SSR1: variants seen among roughly 807,000 people sequenced by gnomAD.
SSR1 encodes translocon-associated protein subunit alpha.
A neutral mutation model predicts 36.1 loss-of-function variants in SSR1; 13 were observed. That is an observed-to-expected ratio of 0.36 (90% CI 0.23 to 0.57). The LOEUF is 0.57. Among genes scored for constraint, SSR1 ranks in the 20% least tolerant of loss-of-function variants. The pLI is 0.81. For synonymous variants in SSR1, 113 were observed against 118.9 expected (o/e 0.95, Z 0.32); for missense variants, 291 against 338.5 (o/e 0.86, Z 1.10).
At chr6:7,302,764 A>G (rs1001602669) in intron 3 of SSR1, among the ~76,000 whole-genome samples, 2 of 151,976 alleles carry the variant, frequency 1.3e-5, no homozygotes, top group African/African-American at 4.8e-5. Context: ...CCATCTCAAA[A>G]AACAAACAAA....
intron 4 of SSR1, 28 bp from the exon 5 acceptor site, chr6:7,298,851 A>G: frequency 2.6e-6 from 4 of 1,567,260 alleles, no homozygotes; most frequent in African/African-American, 1.3e-5. Context: ...ATAATCAGAA[A>G]AATCTAAATG....
intron 6 of SSR1, chr6:7,297,352 T>A (rs952291706): frequency 6.2e-6 from 1 of 162,078 alleles, no homozygotes; most frequent in African/African-American, 2.4e-5. Flanking sequence ...ATTCTAGCAT[T>A]TAGAGCTACA....
intron 7 of SSR1, among the ~76,000 whole-genome samples, chr6:7,291,590 G>A (rs149618672): frequency 1.7e-4 from 26 of 152,234 alleles, no homozygotes; most frequent in African/African-American, 6.3e-4. Context: ...ACAGACAAAT[G>A]TTTCTGATGA....
intron 2 of SSR1, among the ~76,000 whole-genome samples, chr6:7,308,634 C>T (rs181081566): frequency 6.6e-5 from 10 of 152,286 alleles, no homozygotes; most frequent in African/African-American, 2.4e-4. Flanking sequence ...CATTTCAGAG[C>T]TGAACAACTT....
At chr6:7,296,176 T>C (rs537033947) in intron 6 of SSR1, among the ~76,000 whole-genome samples, 96 of 152,132 alleles carry the variant, frequency 6.3e-4, no homozygotes, top group African/African-American at 2.1e-3. Flanking sequence ...TGCTAGAAAG[T>C]AAAAATGACT....
chr6:7,299,550 T>C (rs1757883927), intron 4 of SSR1, among the ~76,000 whole-genome samples: 1 of 151,842 alleles, frequency 6.6e-6, no homozygotes, highest in African/African-American at 2.4e-5. Flanking sequence ...AATACAAAAT[T>C]AGCCGGGTAT....
At chr6:7,308,267 G>A (rs1321740140) in intron 2 of SSR1, among the ~76,000 whole-genome samples, 2 of 151,988 alleles carry the variant, frequency 1.3e-5, no homozygotes, top group African/African-American at 4.8e-5. Context: ...AGTAGGTGCA[G>A]AAGCATAAAA....
At chr6:7,302,362 G>A (rs147943779) in intron 3 of SSR1, among the ~76,000 whole-genome samples, 3 of 152,280 alleles carry the variant, frequency 2.0e-5, no homozygotes, top group African/African-American at 7.2e-5. Flanking sequence ...CCAAACTTCA[G>A]TTCGACAATG....
At chr6:7,298,991 CATTGTT>C (rs1171834738) in intron 4 of SSR1, 168 bp from the exon 5 acceptor site, 2 of 596,498 alleles carry the variant, frequency 3.4e-6, no homozygotes, top group Non-Finnish European at 5.9e-6. Context: ...AGGGACTCAA[CATTGTT>C]ATTTTCTCAC....
chr6:7,295,060 A>G, intron 7 of SSR1: 1 of 1,492,910 alleles, frequency 6.7e-7, no homozygotes, highest in Non-Finnish European at 8.8e-7. Flanking sequence ...TCTCTAGCAA[A>G]AACCATTAAA....
At chr6:7,294,609 C>G (rs1247063353) in intron 7 of SSR1, among the ~76,000 whole-genome samples, 2 of 151,990 alleles carry the variant, frequency 1.3e-5, no homozygotes, top group African/African-American at 4.8e-5. Context: ...GAGAATCACT[C>G]GAACCCAGGA....
rs144563089 is a variant in SSR1 at position 7,305,600 on chromosome 6, G to A, written c.193-1963C>T. Among the ~76,000 whole-genome samples, 367 of 152,290 alleles carry A rather than the reference G, an allele frequency of 2.4e-3. 2 individuals are homozygous for A. The highest frequency in any genetic ancestry group is 8.4e-3 in the African/African-American group (351 of 41,556). ...TCACTGAGGAGGATTAATGCCTGAC[G>A]TTACAAAAGGAAAGAATAATGTAAC... On this transcript the variant is annotated intron_variant, in intron 2 of 7. Transcript: ENST00000244763.
chr6:7,295,516 A>G (rs745346081), intron 6 of SSR1, 31 bp from the exon 7 acceptor site: 3 of 1,471,188 alleles, frequency 2.0e-6, no homozygotes, highest in Admixed American at 2.0e-5. Context: ...ATTTTAAAGG[A>G]GTTCCGTTAC....
intron 5 of SSR1, 52 bp downstream of exon 5, chr6:7,298,695 A>T (rs372992198): frequency 7.4e-7 from 1 of 1,359,276 alleles, no homozygotes; most frequent in African/African-American, 1.4e-5. Context: ...CAAGCTTTCC[A>T]GTCTTACTTT....
intron 2 of SSR1, among the ~76,000 whole-genome samples, chr6:7,309,640 G>A (rs373797035): frequency 6.6e-6 from 1 of 152,180 alleles, no homozygotes; most frequent in African/African-American, 2.4e-5. Flanking sequence ...GTGAAAGTGA[G>A]TTCTCACAAG....
intron 2 of SSR1, among the ~76,000 whole-genome samples, chr6:7,309,086 C>G (rs1409899110): frequency 2.0e-5 from 3 of 152,204 alleles, no homozygotes; most frequent in African/African-American, 7.2e-5. Flanking sequence ...TGACTGGTGC[C>G]TATTCTCCCA....
At chr6:7,295,949 G>T (rs1757785772) in intron 6 of SSR1, among the ~76,000 whole-genome samples, 1 of 152,060 alleles carries the variant, frequency 6.6e-6, no homozygotes, top group Admixed American at 6.6e-5. Flanking sequence ...TTTCCCTTTA[G>T]GAATCAAATT....
chr6:7,289,851 C>A lies in SSR1; in HGVS notation c.*13G>T, dbSNP rs1271054966. 6.4e-7 allele frequency: 1 copy of A among 1,567,630 alleles called. No individual in the cohort carries two copies. Among genetic ancestry groups the A allele is most frequent in the Admixed American group, 2.0e-5 (1 of 49,534 alleles). Reference sequence around the variant, plus strand: ...AGGTTAAGTAAAGACCGAATTGTTGCACAAAGGAACATTTACTCATCAGAT... The same window carrying A: ...AGGTTAAGTAAAGACCGAATTGTTGAACAAAGGAACATTTACTCATCAGAT... On this transcript the variant is annotated 3_prime_UTR_variant, in exon 8 of 8. Coordinates refer to ENST00000244763, the MANE Select transcript of SSR1 (RefSeq NM_003144.5).
intron 2 of SSR1, among the ~76,000 whole-genome samples, chr6:7,303,909 T>C (rs3778326): frequency 0.47 from 70,728 of 151,988 alleles, 16,481 homozygotes; most frequent in East Asian, 0.57. Flanking sequence ...ATCGCTTGAA[T>C]CCGGGAGGTA....
Sources: gnomAD v4.1 joint callset for allele counts (sites outside exome capture counted in the v4.1 genomes callset) on GRCh38, gnomAD v4.1.1 for gene constraint, MANE v1.5 for transcripts, NCBI Gene and HGNC (gene_info 2026-07-23, HGNC 2026-07-21) for gene names.